The following SEMA6A variants were observed in gnomAD, a reference collection of about 807,000 sequenced individuals.
SEMA6A encodes the protein semaphorin 6A, also known as semaphorin-6A.
A neutral mutation model predicts 96.8 loss-of-function variants in SEMA6A; 25 were observed. The ratio of observed to expected loss-of-function variants is 0.26; its 90% CI spans 0.19 to 0.36. The LOEUF is 0.36. SEMA6A is among the 10% of genes least tolerant of loss of function. SEMA6A has a pLI of 1.00. For missense variants in SEMA6A, 1,363 were observed against 1,323.1 expected (o/e 1.03, Z -0.47); for synonymous variants, 612 against 518.0 (o/e 1.18, Z -2.46).
chr5:116,507,083 C>A (rs1303932432), intron 1 of SEMA6A, among the ~76,000 whole-genome samples: 2 of 152,198 alleles, frequency 1.3e-5, no homozygotes, highest in Non-Finnish European at 2.9e-5. Context: ...TTATGCAAGT[C>A]AGTGGCTATT....
At chr5:116,455,007 T>C (rs1044327721) in intron 18 of SEMA6A, among the ~76,000 whole-genome samples, 2 of 152,172 alleles carry the variant, frequency 1.3e-5, no homozygotes, top group East Asian at 3.9e-4. Context: ...GAAATAATGC[T>C]TGGAGTGGTT....
At chr5:116,466,501 T>C (rs993368165) in intron 18 of SEMA6A, among the ~76,000 whole-genome samples, 5 of 152,186 alleles carry the variant, frequency 3.3e-5, no homozygotes, top group Admixed American at 6.5e-5. Flanking sequence ...TCTTTATATT[T>C]TGACTTGGCA....
At chr5:116,514,087 C>T (rs112557435) in intron 1 of SEMA6A, among the ~76,000 whole-genome samples, 11,702 of 152,146 alleles carry the variant, frequency 0.077, 516 homozygotes, top group Admixed American at 0.11. Context: ...CAGTGCTGCA[C>T]TGAACATATA....
chr5:116,465,464 C>T (rs1006454593), intron 18 of SEMA6A, among the ~76,000 whole-genome samples: 1 of 152,162 alleles, frequency 6.6e-6, no homozygotes, highest in Non-Finnish European at 1.5e-5. Context: ...ATCAAACATA[C>T]AACCAATCAC....
intron 18 of SEMA6A, among the ~76,000 whole-genome samples, chr5:116,462,163 A>G (rs570706602): frequency 2.1e-4 from 32 of 152,268 alleles, no homozygotes; most frequent in Non-Finnish European, 3.8e-4. Flanking sequence ...TTACATTTTA[A>G]GCATGGGAGA....
At chr5:116,479,462 T>C (rs1026001292) in intron 12 of SEMA6A, among the ~76,000 whole-genome samples, 18 of 152,226 alleles carry the variant, frequency 1.2e-4, no homozygotes, top group African/African-American at 3.4e-4. Context: ...TGCTTTAATA[T>C]GTTTTAATAA....
intron 18 of SEMA6A, chr5:116,449,281 C>T (rs553294065): frequency 1.4e-6 from 1 of 701,752 alleles, no homozygotes; most frequent in South Asian, 1.5e-5. Context: ...AAACATTGTT[C>T]CTATTATGGA....
At chr5:116,566,176 T>A (rs17140139) in intron 1 of SEMA6A, among the ~76,000 whole-genome samples, 37,679 of 152,104 alleles carry the variant, frequency 0.25, 4,699 homozygotes, top group East Asian at 0.31. Context: ...TAAATGCTTC[T>A]AATCAAATCA....
chr5:116,515,798 T>C (rs764396927), intron 1 of SEMA6A, among the ~76,000 whole-genome samples: 1 of 152,190 alleles, frequency 6.6e-6, no homozygotes, highest in Non-Finnish European at 1.5e-5. Context: ...GGATGTGTTC[T>C]TTCCCCAGTT....
At chr5:116,468,992 C>A (rs1459631311) in intron 17 of SEMA6A, 1 of 151,686 alleles carries the variant, frequency 6.6e-6, no homozygotes, top group African/African-American at 2.4e-5. Context: ...AGTTGGATTT[C>A]CCCCCAGGAG....
At chr5:116,555,510 T>G (rs960926388) in intron 1 of SEMA6A, among the ~76,000 whole-genome samples, 1 of 152,170 alleles carries the variant, frequency 6.6e-6, no homozygotes, top group African/African-American at 2.4e-5. Context: ...TAAAATAAAC[T>G]TGTTTGTATC....
At chr5:116,506,774 T>C (rs975406409) in intron 1 of SEMA6A, among the ~76,000 whole-genome samples, 1 of 152,100 alleles carries the variant, frequency 6.6e-6, no homozygotes, top group African/African-American at 2.4e-5. Flanking sequence ...CTCAGAGAAT[T>C]TGCAGCATAT....
At chr5:116,517,602 A>G (rs1758731793) in intron 1 of SEMA6A, among the ~76,000 whole-genome samples, 1 of 152,198 alleles carries the variant, frequency 6.6e-6, no homozygotes, top group Non-Finnish European at 1.5e-5. Context: ...TTATAATGAC[A>G]GTTTTCCAGG....
At position 116,523,608 on chromosome 5, in the gene SEMA6A, G is replaced by A. The variant is rs115306293; in HGVS notation, c.-38-18626C>T. On this transcript the variant is annotated intron_variant, in intron 1 of 18. Coordinates refer to ENST00000343348, the MANE Select transcript of SEMA6A (RefSeq NM_020796.5). Reference sequence around the variant, plus strand: ...ATTACATGCATGAGCCACTGCACCCGGCCTAGACAGCAGTTTCATATTTTT... The same window carrying A: ...ATTACATGCATGAGCCACTGCACCCAGCCTAGACAGCAGTTTCATATTTTT... Among the ~76,000 whole-genome samples the A allele has an allele frequency of 4.8e-3, 726 of 152,150 alleles. 6 individuals are homozygous for A. The highest frequency in any genetic ancestry group is 0.017 in the African/African-American group (692 of 41,514).
Position 116,494,825 on chromosome 5 carries a change from G to A in SEMA6A, c.444+588C>T, listed in dbSNP as rs918707534. On this transcript the variant is annotated intron_variant, in intron 6 of 18. Coordinates refer to ENST00000343348, the MANE Select transcript of SEMA6A (RefSeq NM_020796.5). The stretch of plus-strand genomic sequence containing the variant: ...TGCCACCTCTGCTTCCAGGCCTGGC[G>A]AGGTCCCTGCTCCTTCATCAGCACC... Among the ~76,000 whole-genome samples, 6 of 152,200 alleles carry A rather than the reference G, an allele frequency of 3.9e-5. No homozygotes were observed. The East Asian group carries it at 5.8e-4, about 15-fold the overall frequency.
At chr5:116,495,270 A>T in intron 6 of SEMA6A, 143 bp downstream of exon 6, 1 of 680,982 alleles carries the variant, frequency 1.5e-6, no homozygotes, top group South Asian at 1.6e-5. Flanking sequence ...AGGATCACTC[A>T]TGTGGAGCAA....
chr5:116,486,915 G>C lies in SEMA6A; in HGVS notation c.796C>G (p.Gln266Glu). 1.2e-6 allele frequency: 2 copies of C among 1,613,774 alleles called. No homozygotes were observed. The highest frequency in any genetic ancestry group is 2.2e-5 in the South Asian group (2 of 91,078). Residue 266 changes from glutamine to glutamate, a missense_variant, in exon 10 of 19, where the codon CAA becomes GAA. Transcript: ENST00000343348. ...GTCCACTGTTTCTCCAGGACTCTTT[G>C]AGATCCTCCCATATCATTCTTACAA... is the stretch of plus-strand genomic sequence containing the variant. ...QVCKNDMGGS[Q>E]RVLEKQWTSF...
intron 6 of SEMA6A, among the ~76,000 whole-genome samples, chr5:116,493,979 C>T (rs182252999): frequency 2.0e-5 from 3 of 152,266 alleles, no homozygotes; most frequent in Admixed American, 2.0e-4. Context: ...TCTCACAACT[C>T]TTCCTTTATT....
At chr5:116,492,091 T>C (rs1040815555) in intron 6 of SEMA6A, among the ~76,000 whole-genome samples, 2 of 152,170 alleles carry the variant, frequency 1.3e-5, no homozygotes, top group African/African-American at 2.4e-5. Flanking sequence ...TTTATGAAAG[T>C]CCTTTTCAGA....
Sources: allele counts gnomAD v4.1 joint callset (sites outside exome capture counted in the v4.1 genomes callset), GRCh38; gene constraint gnomAD v4.1.1; transcripts MANE v1.5; gene names NCBI Gene and HGNC (gene_info 2026-07-23, HGNC 2026-07-21).